GTF3C6: variants seen among roughly 807,000 people sequenced by gnomAD.
The protein encoded by GTF3C6 is general transcription factor 3C polypeptide 6.
Under a neutral mutation model 19.2 loss-of-function variants are expected in GTF3C6, and 11 were observed. The ratio of observed to expected loss-of-function variants is 0.57; its 90% confidence interval spans 0.36 to 0.95. The LOEUF is 0.95. Ranked by LOEUF, GTF3C6 falls within the 40% of genes least tolerant of loss-of-function variation. The pLI is 0.01. For missense variants in GTF3C6, 222 were observed against 254.7 expected, an observed-to-expected ratio of 0.87 and a Z score of 0.87; for synonymous variants, 87 against 84.2, an observed-to-expected ratio of 1.03 and a Z score of -0.18.
intron 3 of GTF3C6, 42 bp downstream of exon 3, chr6:110,960,519 C>G (rs1771146662): frequency 6.2e-7 from 1 of 1,609,988 alleles, no homozygotes. Context: ...CTGATATGGG[C>G]TTTTCAGAGA....
chr6:110,960,545 A>T (rs1275366554), intron 3 of GTF3C6, 27 bp from the exon 4 acceptor site: 1 of 1,613,192 alleles, frequency 6.2e-7, no homozygotes. Context: ...GCTCTTCTCA[A>T]CAATTTGCCT....
chr6:110,961,341 G>C (rs1771157896), intron 4 of GTF3C6, among the ~76,000 whole-genome samples: 3 of 151,876 alleles, frequency 2.0e-5, no homozygotes, highest in Non-Finnish European at 2.9e-5. Context: ...GGTAGAGACA[G>C]GGTTTCGCCA....
At chr6:110,962,115 G>A (rs1771168618) in intron 4 of GTF3C6, among the ~76,000 whole-genome samples, 1 of 152,010 alleles carries the variant, frequency 6.6e-6, no homozygotes, top group Non-Finnish European at 1.5e-5. Context: ...TGTTGGCCAG[G>A]CTGGTCTCAA....
intron 1 of GTF3C6, 152 bp from the exon 2 acceptor site, chr6:110,959,020 G>T: frequency 1.2e-6 from 1 of 804,546 alleles, no homozygotes; most frequent in East Asian, 2.6e-5. Flanking sequence ...CTTGGGATGG[G>T]AAGTACCGGG....
intron 1 of GTF3C6, 139 bp downstream of exon 1, chr6:110,958,965 A>AGGAGCC (rs1771122217): frequency 9.5e-7 from 1 of 1,050,070 alleles, no homozygotes; most frequent in Non-Finnish European, 1.4e-6. Flanking sequence ...CCTGGGCGCG[A>AGGAGCC]GGAGCCGGGC....
At chr6:110,965,175 C>T (rs1583248483) in intron 5 of GTF3C6, among the ~76,000 whole-genome samples, 2 of 135,606 alleles carry the variant, frequency 1.5e-5, no homozygotes, top group Middle Eastern at 8.2e-3. Flanking sequence ...CAGGATCTTA[C>T]TATGTTACCC....
intron 4 of GTF3C6, among the ~76,000 whole-genome samples, chr6:110,962,068 A>G (rs1771168024): frequency 2.6e-5 from 4 of 151,930 alleles, no homozygotes; most frequent in Admixed American, 2.0e-4. Flanking sequence ...ATGCCCAGCG[A>G]ATTTTTTGTA....
At chr6:110,963,092 T>G (rs1302751491) in intron 5 of GTF3C6, among the ~76,000 whole-genome samples, 1 of 152,106 alleles carries the variant, frequency 6.6e-6, no homozygotes, top group South Asian at 2.1e-4. Flanking sequence ...CCGGCTAATT[T>G]TTTTTAGTAG....
chr6:110,964,875 C>G (rs563539564), intron 5 of GTF3C6, among the ~76,000 whole-genome samples: 51 of 149,940 alleles, frequency 3.4e-4, no homozygotes, highest in African/African-American at 1.2e-3. Flanking sequence ...TCTTGTTGCC[C>G]AGGCTGGAGT....
At chr6:110,966,720 A>G (rs905015668) in intron 5 of GTF3C6, among the ~76,000 whole-genome samples, 6 of 152,232 alleles carry the variant, frequency 3.9e-5, no homozygotes, top group African/African-American at 1.4e-4. Flanking sequence ...AAGAGTGAAC[A>G]TCAAATTCAT....
At chr6:110,964,606 C>T (rs2114259407) in intron 5 of GTF3C6, among the ~76,000 whole-genome samples, 1 of 152,002 alleles carries the variant, frequency 6.6e-6, no homozygotes, top group East Asian at 1.9e-4. Context: ...CCTGAAGAGA[C>T]CACTGTGCCC....
At position 110,967,510 on chromosome 6, in the gene GTF3C6, G is replaced by A. The variant is rs1270685855; in HGVS notation, c.362G>A (p.Gly121Asp). Residue 121 changes from glycine to aspartate, a missense_variant and splice_region_variant, in exon 6 of 6, where the codon GGT (glycine) becomes GAT (aspartate). Physicochemically the swap from Gly to Asp is moderately conservative, Grantham distance 94. Coordinates refer to ENST00000329970, the MANE Select transcript of GTF3C6 (RefSeq NM_138408.4). ...TEKKEGEENI[G>D]GVEWLQIKDN... is the part of the protein sequence containing the mutation. ...TTATTCCTCATCCCCTCCAAATTAG[G>A]TGGGGTGGAATGGCTGCAAATAAAG... The A allele has an allele frequency of 1.2e-6, 2 of 1,601,868 alleles. No homozygotes were observed. The highest frequency in any genetic ancestry group is 1.7e-5 in the Admixed American group (1 of 58,450).
chr6:110,966,125 G>C (rs1771226613), intron 5 of GTF3C6, among the ~76,000 whole-genome samples: 1 of 152,164 alleles, frequency 6.6e-6, no homozygotes, highest in Non-Finnish European at 1.5e-5. Context: ...CTCAGATAAA[G>C]TATTCCAAGA....
At chr6:110,964,506 C>G (rs1771203955) in intron 5 of GTF3C6, among the ~76,000 whole-genome samples, 1 of 152,100 alleles carries the variant, frequency 6.6e-6, no homozygotes, top group Admixed American at 6.6e-5. Context: ...TCCCAAAGTG[C>G]TGGGATTACA....
intron 5 of GTF3C6, among the ~76,000 whole-genome samples, chr6:110,962,753 C>T (rs908011074): frequency 2.1e-4 from 32 of 152,116 alleles, no homozygotes; most frequent in African/African-American, 7.0e-4. Flanking sequence ...CAGGCACCCA[C>T]CACCACGCCC....
intron 1 of GTF3C6, 148 bp downstream of exon 1, chr6:110,958,974 G>A: frequency 1.0e-6 from 1 of 969,544 alleles, no homozygotes; most frequent in Admixed American, 2.6e-5. Context: ...GAGGAGCCGG[G>A]CAGCTTGGGA....
intron 5 of GTF3C6, among the ~76,000 whole-genome samples, chr6:110,964,550 T>C (rs1771204731): frequency 6.6e-6 from 1 of 152,152 alleles, no homozygotes; most frequent in African/African-American, 2.4e-5. Flanking sequence ...TTTGTATTTT[T>C]AGTAGAGACG....
rs568455676 is a variant in GTF3C6 at position 110,962,430 on chromosome 6, A to G, written c.286A>G (p.Lys96Glu). 1 of 1,610,554 alleles carries G rather than the reference A, an allele frequency of 6.2e-7. No homozygotes were observed. The highest frequency in any genetic ancestry group is 1.3e-5 in the African/African-American group (1 of 74,994). ...CAATAATAAAACAGTGCTAAAATAT[A>G]AATGCCATACAATGAAGAAGCTCAG... ...EGNNKTVLKY[K>E]CHTMKKLSMT... is the part of the protein sequence containing the mutation. Residue 96 changes from lysine to glutamate, a missense_variant, in exon 5 of 6, where the codon AAA (lysine) becomes GAA (glutamate). Transcript: ENST00000329970.
intron 4 of GTF3C6, 43 bp downstream of exon 4, chr6:110,960,659 C>T: frequency 1.4e-6 from 2 of 1,418,064 alleles, no homozygotes; most frequent in East Asian, 2.3e-5. Flanking sequence ...CGAACTATTT[C>T]AATCATACTT....
Sources: allele counts gnomAD v4.1 joint callset (sites outside exome capture counted in the v4.1 genomes callset), GRCh38; gene constraint gnomAD v4.1.1; transcripts MANE v1.5; gene names NCBI Gene and HGNC (gene_info 2026-07-23, HGNC 2026-07-21).